Variants in KIAA1549L observed in about 807,000 individuals in gnomAD.
KIAA1549L encodes KIAA1549 like.
Under a neutral mutation model 160.7 loss-of-function variants are expected in KIAA1549L, and 88 were observed. The ratio of observed to expected loss-of-function variants is 0.55; its 90% CI spans 0.46 to 0.65. The LOEUF (loss-of-function observed/expected upper bound fraction) is 0.65. Ranked by LOEUF, KIAA1549L falls within the 30% of genes least tolerant of loss-of-function variation. The probability of loss-of-function intolerance (pLI) is 0.00; values close to 1 mark genes in which losing one functional copy is unlikely to be tolerated. For synonymous variants in KIAA1549L, 950 were observed against 976.7 expected, an observed-to-expected ratio of 0.97 and a Z score of 0.51; for missense variants, 2,258 against 2,437.5, an observed-to-expected ratio of 0.93 and a Z score of 1.55.
intron 18 of KIAA1549L, among the ~76,000 whole-genome samples, chr11:33,657,825 G>A (rs1343796969): frequency 1.3e-5 from 2 of 152,118 alleles, no homozygotes; most frequent in African/African-American, 4.8e-5. Flanking sequence ...TAATGAAAGG[G>A]AAGGTAGCTG....
chr11:33,625,709 G>T (rs544031106), intron 16 of KIAA1549L, among the ~76,000 whole-genome samples: 40 of 152,154 alleles, frequency 2.6e-4, no homozygotes, highest in African/African-American at 7.2e-4. Flanking sequence ...TTTGTAGGTT[G>T]CCTGTTCACT....
rs959953716 is a variant in KIAA1549L at position 33,645,546 on chromosome 11, A to C, written c.5410-140A>C. 1.1e-5 allele frequency: 7 copies of C among 663,256 alleles called. No homozygotes were observed. The Admixed American group carries it at 2.0e-4, about 19-fold the overall frequency. The allele number at this position is 663,256 out of a possible 1,614,324, so 41.1% of individuals were successfully genotyped here. A position where few individuals can be genotyped will look rare whatever the true frequency, so the allele number is the denominator to read the frequency against. ...GAGTACCCCAGTAGTGTGAATTCCT[A>C]GATAGGGCACGTAGGATATAATTTA... On this transcript the variant is annotated intron_variant, in intron 16 of 20. Transcript: ENST00000658780.
rs199648392 is a variant in KIAA1549L, at chr11:33,668,682, C to CT, written c.*536dup. On this transcript the variant is annotated 3_prime_UTR_variant, in exon 21 of 21. Coordinates refer to ENST00000658780, the MANE Select transcript of KIAA1549L (RefSeq NM_012194.3). ...GACTCCAGCCAAGAAACCTGAGCCC[C>CT]TTTTTTTTAGGTTCATATTCAAAGT... 413 of 155,578 alleles carry CT rather than the reference C, an allele frequency of 2.7e-3. 8 individuals carry two copies. The highest frequency in any genetic ancestry group is 3.7e-4 in the Non-Finnish European group (26 of 69,958). 9.6% of individuals were successfully genotyped at this position (155,578 alleles called of 1,614,324 possible).
intron 19 of KIAA1549L, among the ~76,000 whole-genome samples, chr11:33,659,237 T>C (rs1852180592): frequency 6.6e-6 from 1 of 152,212 alleles, no homozygotes; most frequent in Non-Finnish European, 1.5e-5. Flanking sequence ...CAAAAGGTGA[T>C]CCCGGGCTTC....
chr11:33,567,056 C>T (rs1391563542), intron 8 of KIAA1549L, among the ~76,000 whole-genome samples: 2 of 152,152 alleles, frequency 1.3e-5, no homozygotes, highest in Non-Finnish European at 2.9e-5. Context: ...GGGAGTTGCC[C>T]TGATAGTAAG....
At chr11:33,549,246 C>G (rs1161260226) in intron 4 of KIAA1549L, among the ~76,000 whole-genome samples, 1 of 151,788 alleles carries the variant, frequency 6.6e-6, no homozygotes, top group East Asian at 1.9e-4. Flanking sequence ...TCATTTGCCA[C>G]AAATAAAAGG....
At chr11:33,656,240 A>T (rs962564190) in intron 18 of KIAA1549L, 131 bp downstream of exon 18, 1 of 675,008 alleles carries the variant, frequency 1.5e-6, no homozygotes, top group Non-Finnish European at 2.7e-6. Flanking sequence ...ACCTGTACAG[A>T]CAACCATGCG....
chr11:33,604,792 G>A (rs1180661118), intron 13 of KIAA1549L, among the ~76,000 whole-genome samples: 1 of 152,054 alleles, frequency 6.6e-6, no homozygotes. Flanking sequence ...TGGACTTTGG[G>A]GACAGAGGAG....
chr11:33,414,029 C>T (rs1246923313), intron 1 of KIAA1549L, among the ~76,000 whole-genome samples: 72 of 152,172 alleles, frequency 4.7e-4, no homozygotes, highest in Non-Finnish European at 2.5e-4. Context: ...GAATACATTT[C>T]TTGGAAGTCT....
intron 1 of KIAA1549L, among the ~76,000 whole-genome samples, chr11:33,469,573 T>C (rs1852135484): frequency 6.6e-6 from 1 of 152,202 alleles, no homozygotes; most frequent in South Asian, 2.1e-4. Flanking sequence ...GATAACTATG[T>C]TGAATCATTT....
At chr11:33,652,338 C>T (rs1048731171) in intron 17 of KIAA1549L, among the ~76,000 whole-genome samples, 5 of 152,096 alleles carry the variant, frequency 3.3e-5, no homozygotes, top group African/African-American at 9.7e-5. Flanking sequence ...CCTTCAACCA[C>T]GAGCACGTGG....
chr11:33,487,406 T>TC (rs1852553983), intron 1 of KIAA1549L, among the ~76,000 whole-genome samples: 1 of 140,948 alleles, frequency 7.1e-6, no homozygotes, highest in African/African-American at 2.7e-5. Context: ...ATTGTTCTTT[T>TC]TTTTTTTTTT....
Position 33,668,392 on chromosome 11 carries a change from T to C in KIAA1549L, c.*238T>C. 2 of 557,580 alleles carry C rather than the reference T, an allele frequency of 3.6e-6. No homozygotes were observed. The allele number at this position is 557,580 out of a possible 1,614,324, so 34.5% of individuals were successfully genotyped here. A position where few individuals can be genotyped will look rare whatever the true frequency, so the allele number is the denominator to read the frequency against. Reference sequence around the variant, plus strand: ...GCTTGGGGCCTTATGTTTGATACTCTCTCATGTCAAATGTTTGAACTTTGG... The same window carrying C: ...GCTTGGGGCCTTATGTTTGATACTCCCTCATGTCAAATGTTTGAACTTTGG... On this transcript the variant is annotated 3_prime_UTR_variant, in exon 21 of 21. Coordinates refer to ENST00000658780, the MANE Select transcript of KIAA1549L (RefSeq NM_012194.3).
In KIAA1549L at chr11:33,589,876, T is replaced by G. The variant is rs571735222; in HGVS notation, c.4567-1361T>G. Among the ~76,000 whole-genome samples the G allele has an allele frequency of 5.3e-5, 8 of 152,272 alleles. No individual in the cohort carries two copies. In the South Asian group the frequency reaches 1.7e-3, roughly 32 times the overall value. The stretch of plus-strand genomic sequence containing the variant: ...TGTATACATATGTAACCTGCATGTT[T>G]TGCACATGTACCCTAAAACTTAAAG... On this transcript the variant is annotated intron_variant, in intron 11 of 20. Coordinates refer to ENST00000658780, the MANE Select transcript of KIAA1549L (RefSeq NM_012194.3).
chr11:33,646,332 GT>G (rs1851723264), intron 17 of KIAA1549L, among the ~76,000 whole-genome samples: 1 of 152,146 alleles, frequency 6.6e-6, no homozygotes, highest in Admixed American at 6.5e-5. Context: ...TCACGCACTG[GT>G]GGTTTCCTAC....
intron 1 of KIAA1549L, chr11:33,450,652 A>G (rs551009416): frequency 2.0e-5 from 3 of 152,150 alleles, no homozygotes; most frequent in African/African-American, 7.2e-5. Context: ...CACTGCAAAA[A>G]TCTCCGGCTG....
At chr11:33,485,941 A>G (rs916950857) in intron 1 of KIAA1549L, among the ~76,000 whole-genome samples, 10 of 152,284 alleles carry the variant, frequency 6.6e-5, no homozygotes, top group Non-Finnish European at 1.2e-4. Context: ...CCCTGTCATC[A>G]CAAATGACAG....
In KIAA1549L at chr11:33,547,784, A is replaced by G. The variant is rs904039911; in HGVS notation, c.3406A>G (p.Arg1136Gly). 6.2e-7 allele frequency: 1 copy of G among 1,612,610 alleles called. No individual in the cohort carries two copies. The highest frequency in any genetic ancestry group is 1.3e-5 in the African/African-American group (1 of 75,044). The change falls in exon 4 of 21, where the codon AGA becomes GGA. Residue 1136 changes from arginine to glycine, a missense_variant. Arg to Gly is a moderately radical substitution (Grantham distance 125). Transcript: ENST00000658780. ...VKTVLFLTQR[R>G]VQISESLKFS... is the part of the protein sequence containing the mutation. ...CACAGTTCTCTTTCTCACCCAAAGG[A>G]GAGTGCAGATCAGTGAATCCTTGAA... is the stretch of plus-strand genomic sequence containing the variant.
Position 33,667,993 on chromosome 11 carries a change from C to T in KIAA1549L, c.6280C>T (p.Pro2094Ser). Residue 2094 changes from proline (P) to serine (S), a missense_variant, in exon 21 of 21, where the codon CCG becomes TCG. Coordinates refer to ENST00000658780, the MANE Select transcript of KIAA1549L (RefSeq NM_012194.3). Reference protein sequence around the residue: ...ANLHPSLEQAPAPSTAASQQS... With the variant: ...ANLHPSLEQASAPSTAASQQS... ...CCTGCACCCCAGCCTGGAGCAGGCC[C>T]CGGCGCCCTCCACAGCGGCCTCGCA... The T allele has an allele frequency of 6.2e-7, 1 of 1,613,936 alleles. No individual in the cohort carries two copies. Among genetic ancestry groups the T allele is most frequent in the Non-Finnish European group, 8.5e-7 (1 of 1,179,900 alleles).
Sources: allele counts gnomAD v4.1 joint callset (sites outside exome capture counted in the v4.1 genomes callset), GRCh38; gene constraint gnomAD v4.1.1; transcripts MANE v1.5; gene names NCBI Gene and HGNC (gene_info 2026-07-23, HGNC 2026-07-21).